The following MRPL42 variants were observed in gnomAD, a reference collection of about 807,000 sequenced individuals.
MRPL42 encodes large ribosomal subunit protein mL42.
In MRPL42, 17 loss-of-function variants were observed where a neutral mutation model predicts 17.9. The observed-to-expected ratio is 0.95, with a 90% CI of 0.65 to 1.42. The LOEUF (loss-of-function observed/expected upper bound fraction) is 1.42. Ranked by LOEUF, MRPL42 falls within the 40% of genes most tolerant of loss-of-function variation. The pLI is 0.00. For missense variants in MRPL42, 177 were observed against 175.2 expected (o/e 1.01, Z -0.06); for synonymous variants, 59 against 54.4 (o/e 1.08, Z -0.37).
intron 5 of MRPL42, 111 bp downstream of exon 5, chr12:93,487,771 C>A: frequency 2.0e-6 from 2 of 996,464 alleles, no homozygotes; most frequent in Non-Finnish European, 2.9e-6. Context: ...GAAATTAACC[C>A]TAAGTAGAAT....
chr12:93,491,552 T>C (rs1016418073), intron 5 of MRPL42, among the ~76,000 whole-genome samples: 2 of 152,262 alleles, frequency 1.3e-5, no homozygotes, highest in Admixed American at 1.3e-4. Context: ...TCACTATGTA[T>C]ATATGTATGT....
chr12:93,496,949 A>G (rs1488186041), intron 5 of MRPL42, among the ~76,000 whole-genome samples: 1 of 152,150 alleles, frequency 6.6e-6, no homozygotes, highest in African/African-American at 2.4e-5. Flanking sequence ...GAACACTTCA[A>G]GCACACAACT....
intron 4 of MRPL42, among the ~76,000 whole-genome samples, chr12:93,484,031 T>G (rs1592775407): frequency 1.3e-5 from 2 of 152,170 alleles, no homozygotes; most frequent in Admixed American, 6.6e-5. Context: ...TTTGTCCCAC[T>G]GGAAGGTCTT....
At chr12:93,471,746 C>T (rs1879920913) in intron 2 of MRPL42, among the ~76,000 whole-genome samples, 1 of 152,116 alleles carries the variant, frequency 6.6e-6, no homozygotes, top group Admixed American at 6.6e-5. Context: ...TAGAACAGGA[C>T]ATTGCTTAAG....
At position 93,511,375 on chromosome 12, in the gene MRPL42, A is replaced by G. The variant is rs1953724011; in HGVS notation, c.*10154A>G. 1 of 152,218 alleles carries G rather than the reference A, an allele frequency of 6.6e-6. No individual in the cohort carries two copies. The highest frequency in any genetic ancestry group is 1.5e-5 in the Non-Finnish European group (1 of 68,020). The allele number at this position is 152,218 out of a possible 1,614,324, so 9.4% of individuals were successfully genotyped here. A position where few individuals can be genotyped will look rare whatever the true frequency, so the allele number is the denominator to read the frequency against. ...AAATAAACGTTAATGCTTTTTAGAC[A>G]TCTTTAAGCAACTTTAGATTGCTAA... On this transcript the variant is annotated 3_prime_UTR_variant, in exon 6 of 6. Transcript: ENST00000549982.
In MRPL42 at chr12:93,515,821, A is replaced by C. The variant is rs77444383; in HGVS notation, c.*14600A>C. On this transcript the variant is annotated 3_prime_UTR_variant, in exon 6 of 6. Transcript: ENST00000549982. ...GTCTCACAGAATACCAACATTAAAC[A>C]AGATGACTCTGAAACCTTAATAAAG... The C allele has an allele frequency of 2.0e-5, 3 of 152,214 alleles. No individual in the cohort carries two copies. Among genetic ancestry groups the C allele is most frequent in the Admixed American group, 2.0e-4 (3 of 15,282 alleles). 9.4% of individuals were successfully genotyped at this position (152,214 alleles called of 1,614,324 possible).
At chr12:93,481,188 T>C (rs1199063855) in intron 4 of MRPL42, among the ~76,000 whole-genome samples, 1 of 152,220 alleles carries the variant, frequency 6.6e-6, no homozygotes, top group Non-Finnish European at 1.5e-5. Flanking sequence ...ACTTTCCCAC[T>C]GTACTTGTAG....
At position 93,514,140 on chromosome 12, in the gene MRPL42, T is replaced by C. The variant is rs904136799; in HGVS notation, c.*12919T>C. 3 of 152,020 alleles carry C rather than the reference T, an allele frequency of 2.0e-5. No individual in the cohort carries two copies. Among genetic ancestry groups the C allele is most frequent in the Admixed American group, 2.0e-4 (3 of 15,238 alleles). The allele number at this position is 152,020 out of a possible 1,614,324, so 9.4% of individuals were successfully genotyped here. A position where few individuals can be genotyped will look rare whatever the true frequency, so the allele number is the denominator to read the frequency against. On this transcript the variant is annotated 3_prime_UTR_variant, in exon 6 of 6. Transcript: ENST00000549982. Reference sequence around the variant, plus strand: ...CTAGGATTACAGGCGTGAGCCACCATGCCCAGCCAACTCCTGTTTTATAGT... The same window carrying C: ...CTAGGATTACAGGCGTGAGCCACCACGCCCAGCCAACTCCTGTTTTATAGT...
chr12:93,474,812 C>T (rs941617645), intron 2 of MRPL42, among the ~76,000 whole-genome samples: 4 of 151,994 alleles, frequency 2.6e-5, no homozygotes, highest in Non-Finnish European at 4.4e-5. Context: ...AAAATATGGC[C>T]AGGTGCAGTG....
At position 93,505,528 on chromosome 12, in the gene MRPL42, A is replaced by C. The variant is rs1363532243; in HGVS notation, c.*4307A>C. 1 of 152,036 alleles carries C rather than the reference A, an allele frequency of 6.6e-6. No individual in the cohort carries two copies. The highest frequency in any genetic ancestry group is 1.5e-5 in the Non-Finnish European group (1 of 68,002). 9.4% of individuals were successfully genotyped at this position (152,036 alleles called of 1,614,324 possible). A position where few individuals can be genotyped will look rare whatever the true frequency, so the allele number is the denominator to read the frequency against. On this transcript the variant is annotated 3_prime_UTR_variant, in exon 6 of 6. Coordinates refer to ENST00000549982, the MANE Select transcript of MRPL42 (RefSeq NM_014050.4). The stretch of plus-strand genomic sequence containing the variant: ...CCCAGAAGTTCAAAATAACTTGCTC[A>C]TAGTCTTCCCAAAATAATTTTCAAA...
intron 5 of MRPL42, among the ~76,000 whole-genome samples, chr12:93,496,930 T>A: frequency 6.6e-6 from 1 of 152,060 alleles, no homozygotes; most frequent in East Asian, 1.9e-4. Context: ...CCTCAGAGAC[T>A]ATTATTAGGA....
Position 93,513,149 on chromosome 12 carries a change from C to T in MRPL42, c.*11928C>T, listed in dbSNP as rs144140904. 2 of 146,314 alleles carry T rather than the reference C, an allele frequency of 1.4e-5. No homozygotes were observed. Among genetic ancestry groups the T allele is most frequent in the African/African-American group, 2.5e-5 (1 of 39,416 alleles). 9.1% of individuals were successfully genotyped at this position (146,314 alleles called of 1,614,324 possible). ...ATCTACCCTGGATTACATATTTTAA[C>T]GAGAAAGAAACCAGCTCATTTGTGA... On this transcript the variant is annotated 3_prime_UTR_variant, in exon 6 of 6. Coordinates refer to ENST00000549982, the MANE Select transcript of MRPL42 (RefSeq NM_014050.4).
At chr12:93,491,969 A>ATAGTAT (rs1251162713) in intron 5 of MRPL42, among the ~76,000 whole-genome samples, 1 of 152,160 alleles carries the variant, frequency 6.6e-6, no homozygotes, top group African/African-American at 2.4e-5. Flanking sequence ...TTATGTCTGT[A>ATAGTAT]TAGTATTCCA....
At chr12:93,487,263 G>T (rs947024410) in intron 4 of MRPL42, among the ~76,000 whole-genome samples, 1 of 152,066 alleles carries the variant, frequency 6.6e-6, no homozygotes, top group Non-Finnish European at 1.5e-5. Flanking sequence ...CACTGCACCT[G>T]GCCTAAATAA....
intron 4 of MRPL42, among the ~76,000 whole-genome samples, chr12:93,482,601 G>A (rs1880513310): frequency 6.6e-6 from 1 of 152,158 alleles, no homozygotes; most frequent in Middle Eastern, 3.2e-3. Flanking sequence ...TGTTTGTCAA[G>A]CAATAAATTG....
In MRPL42 at chr12:93,509,247, C is replaced by A. The variant is rs1953701997; in HGVS notation, c.*8026C>A. The A allele has an allele frequency of 6.7e-6, 1 of 149,744 alleles. No homozygotes were observed. Among genetic ancestry groups the A allele is most frequent in the South Asian group, 2.1e-4 (1 of 4,768 alleles). 9.3% of individuals were successfully genotyped at this position (149,744 alleles called of 1,614,324 possible). On this transcript the variant is annotated 3_prime_UTR_variant, in exon 6 of 6. Coordinates refer to ENST00000549982, the MANE Select transcript of MRPL42 (RefSeq NM_014050.4). ...CAAAGTGGTTGTACCATTTTATATT[C>A]TCACCACCATGAATGAAAGTTCCAA...
intron 5 of MRPL42, chr12:93,488,321 T>C (rs563897409): frequency 1.0e-5 from 4 of 398,580 alleles, no homozygotes; most frequent in Non-Finnish European, 1.8e-5. Context: ...TTGCGCAGGC[T>C]GATTTTAAAC....
chr12:93,471,198 C>T (rs921751112), intron 2 of MRPL42, among the ~76,000 whole-genome samples: 1 of 152,250 alleles, frequency 6.6e-6, no homozygotes, highest in Non-Finnish European at 1.5e-5. Flanking sequence ...GAGACTGGAT[C>T]TTGCTCCCAG....
At chr12:93,470,630 T>C (rs1022980063) in intron 2 of MRPL42, 1 of 1,061,842 alleles carries the variant, frequency 9.4e-7, no homozygotes, top group Admixed American at 3.0e-5. Flanking sequence ...CCATTCTGTT[T>C]TGAGTCCCCA....
Sources: gnomAD v4.1 joint callset for allele counts (sites outside exome capture counted in the v4.1 genomes callset) on GRCh38, gnomAD v4.1.1 for gene constraint, MANE v1.5 for transcripts, NCBI Gene and HGNC (gene_info 2026-07-23, HGNC 2026-07-21) for gene names.